The following VWC2L variants were observed in gnomAD, a reference collection of about 807,000 sequenced individuals.
VWC2L encodes the protein von Willebrand factor C domain-containing protein 2-like.
In VWC2L, 10 loss-of-function variants were observed where a neutral mutation model predicts 21.6. That is an observed-to-expected ratio of 0.46 (90% CI 0.29 to 0.78). The LOEUF is 0.78. Among genes scored for constraint, VWC2L ranks in the 30% least tolerant of loss-of-function variants. The pLI is 0.10. For synonymous variants in VWC2L, 96 were observed against 94.3 expected, an observed-to-expected ratio of 1.02 and a Z score of -0.10; for missense variants, 209 against 277.1, an observed-to-expected ratio of 0.75 and a Z score of 1.74.
chr2:214,527,452 T>C (rs1574618195), intron 3 of VWC2L, among the ~76,000 whole-genome samples: 1 of 152,208 alleles, frequency 6.6e-6, no homozygotes, highest in Non-Finnish European at 1.5e-5. Context: ...TCCATTGTGC[T>C]TAGAATGGAA....
rs191147040 is a variant in VWC2L at position 214,515,361 on chromosome 2, G to A, written c.521-60311G>A. On this transcript the variant is annotated intron_variant, in intron 3 of 3. Coordinates refer to ENST00000312504, the MANE Select transcript of VWC2L (RefSeq NM_001080500.4). ...ACCTAAAAGTACAATATAGCACACAGTTTTACAAGGAGCTCTCCTCCACCC... is the reference window on the plus strand; with the variant it reads ...ACCTAAAAGTACAATATAGCACACAATTTTACAAGGAGCTCTCCTCCACCC... Among the ~76,000 whole-genome samples, 326 of 152,168 alleles carry A rather than the reference G, an allele frequency of 2.1e-3. 1 individual carries two copies. The highest frequency in any genetic ancestry group is 7.5e-3 in the African/African-American group (310 of 41,536).
intron 3 of VWC2L, among the ~76,000 whole-genome samples, chr2:214,557,332 T>C (rs369666167): frequency 6.6e-6 from 1 of 152,086 alleles, no homozygotes; most frequent in Non-Finnish European, 1.5e-5. Context: ...ACGTATTCAC[T>C]ACCATGATAA....
intron 3 of VWC2L, among the ~76,000 whole-genome samples, chr2:214,511,155 C>T (rs1215428549): frequency 6.6e-6 from 1 of 151,960 alleles, no homozygotes; most frequent in Non-Finnish European, 1.5e-5. Context: ...AATGCAGCTA[C>T]ATGGGAGGCC....
intron 2 of VWC2L, among the ~76,000 whole-genome samples, chr2:214,421,785 T>TA (rs56796161): frequency 0.32 from 47,865 of 151,130 alleles, 7,951 homozygotes; most frequent in Middle Eastern, 0.38. Context: ...TTGGATATGT[T>TA]AAAAAAAATT....
intron 3 of VWC2L, among the ~76,000 whole-genome samples, chr2:214,478,221 A>T (rs938500863): frequency 2.6e-5 from 4 of 152,140 alleles, no homozygotes; most frequent in Non-Finnish European, 5.9e-5. Context: ...TATTATTTTA[A>T]AAAATAATAT....
intron 3 of VWC2L, among the ~76,000 whole-genome samples, chr2:214,437,967 TTTTC>T (rs1458585207): frequency 3.9e-5 from 6 of 152,128 alleles, no homozygotes; most frequent in African/African-American, 1.4e-4. Flanking sequence ...TCGCTCCTCT[TTTTC>T]TTCTTATCTC....
intron 2 of VWC2L, among the ~76,000 whole-genome samples, chr2:214,418,540 G>A (rs1052483352): frequency 2.0e-5 from 3 of 152,142 alleles, no homozygotes; most frequent in Non-Finnish European, 4.4e-5. Flanking sequence ...AATATCATAT[G>A]AAACCACTCG....
At chr2:214,512,432 G>A (rs954492698) in intron 3 of VWC2L, among the ~76,000 whole-genome samples, 3 of 152,030 alleles carry the variant, frequency 2.0e-5, no homozygotes, top group African/African-American at 7.2e-5. Flanking sequence ...AGGGAGAGGA[G>A]CAGCAAAAAT....
chr2:214,427,945 G>A (rs1308493807), intron 2 of VWC2L, among the ~76,000 whole-genome samples: 1 of 152,134 alleles, frequency 6.6e-6, no homozygotes, highest in Non-Finnish European at 1.5e-5. Flanking sequence ...ACAGTGGGTT[G>A]AATCCATGGA....
intron 3 of VWC2L, among the ~76,000 whole-genome samples, chr2:214,565,574 C>T (rs1159522298): frequency 2.6e-5 from 4 of 152,216 alleles, no homozygotes; most frequent in Non-Finnish European, 5.9e-5. Flanking sequence ...TATGCCCTCT[C>T]ACTGTGCAAA....
At chr2:214,542,947 T>C (rs1235297925) in intron 3 of VWC2L, among the ~76,000 whole-genome samples, 3 of 152,220 alleles carry the variant, frequency 2.0e-5, no homozygotes. Flanking sequence ...CACTGTATCA[T>C]ACTAATGCCT....
chr2:214,443,655 A>C (rs1198821853), intron 3 of VWC2L, among the ~76,000 whole-genome samples: 30 of 152,208 alleles, frequency 2.0e-4, no homozygotes, highest in Admixed American at 1.8e-3. Flanking sequence ...TGATAAAACA[A>C]GACTGAAGTG....
intron 2 of VWC2L, among the ~76,000 whole-genome samples, chr2:214,419,675 T>C (rs1702406397): frequency 6.6e-6 from 1 of 152,194 alleles, no homozygotes; most frequent in South Asian, 2.1e-4. Flanking sequence ...TTTCCCACTA[T>C]GGGCCAAAGA....
At chr2:214,558,032 G>T (rs145020122) in intron 3 of VWC2L, among the ~76,000 whole-genome samples, 5 of 151,986 alleles carry the variant, frequency 3.3e-5, no homozygotes. Context: ...TCACCACTCC[G>T]CAGACATTGT....
chr2:214,478,393 C>T (rs918459423), intron 3 of VWC2L, among the ~76,000 whole-genome samples: 4 of 151,440 alleles, frequency 2.6e-5, no homozygotes, highest in South Asian at 2.1e-4. Context: ...GCAGGAGAAT[C>T]GCTTGAACCC....
chr2:214,560,337 A>G (rs561717416), intron 3 of VWC2L, among the ~76,000 whole-genome samples: 1 of 152,188 alleles, frequency 6.6e-6, no homozygotes, highest in East Asian at 1.9e-4. Context: ...GAGAATAAAA[A>G]TAGGAAGTTT....
intron 3 of VWC2L, among the ~76,000 whole-genome samples, chr2:214,464,703 G>A (rs1199967973): frequency 1.3e-5 from 2 of 152,142 alleles, no homozygotes; most frequent in Non-Finnish European, 2.9e-5. Flanking sequence ...AATTCATCCA[G>A]GCTTGTATCT....
intron 3 of VWC2L, among the ~76,000 whole-genome samples, chr2:214,567,591 C>CAG (rs1243605693): frequency 9.0e-5 from 12 of 133,786 alleles, no homozygotes; most frequent in African/African-American, 3.6e-4. Context: ...CACACACACA[C>CAG]ACACAGAGAG....
In VWC2L at chr2:214,474,040, C is replaced by T. The variant is rs118125274; in HGVS notation, c.520+37282C>T. Among the ~76,000 whole-genome samples the T allele has an allele frequency of 1.3e-3, 198 of 151,794 alleles. 6 individuals carry two copies. The East Asian group carries it at 0.02, about 15-fold the overall frequency. On this transcript the variant is annotated intron_variant, in intron 3 of 3. Transcript: ENST00000312504. ...TCTTAAAGATGTCATGGCAGTCTTA[C>T]GATTTTATCCATGAAAGAAAGGAAA... is the stretch of plus-strand genomic sequence containing the variant.
Sources: allele counts gnomAD v4.1 joint callset (sites outside exome capture counted in the v4.1 genomes callset), GRCh38; gene constraint gnomAD v4.1.1; transcripts MANE v1.5; gene names NCBI Gene and HGNC (gene_info 2026-07-23, HGNC 2026-07-21).